Variants in CHN1 observed in about 807,000 individuals in gnomAD.
CHN1 encodes chimerin 1, also known as N-chimaerin.
Under a neutral mutation model 59.5 loss-of-function variants are expected in CHN1, and 37 were observed. The ratio of observed to expected loss-of-function variants is 0.62; its 90% CI spans 0.48 to 0.82. The LOEUF (loss-of-function observed/expected upper bound fraction) is 0.82. CHN1 is among the 40% of genes least tolerant of loss of function. The pLI, the probability that CHN1 is intolerant of heterozygous loss-of-function variation, is 0.00. For missense variants in CHN1, 469 were observed against 571.0 expected (o/e 0.82, Z 1.82); for synonymous variants, 206 against 200.4 (o/e 1.03, Z -0.24).
chr2:174,837,595 G>A (rs2646175), intron 7 of CHN1, among the ~76,000 whole-genome samples: 15,590 of 152,148 alleles, frequency 0.1, 2,672 homozygotes, highest in African/African-American at 0.35. Context: ...CTGATGATAT[G>A]GTGGTTCTTC....
At chr2:175,002,563 T>C (rs1411590001) in intron 1 of CHN1, among the ~76,000 whole-genome samples, 1 of 152,174 alleles carries the variant, frequency 6.6e-6, no homozygotes, top group Non-Finnish European at 1.5e-5. Flanking sequence ...AAAGAACATT[T>C]CTTAAATTTA....
chr2:175,004,047 T>C (rs917966869), intron 1 of CHN1, among the ~76,000 whole-genome samples: 2 of 152,206 alleles, frequency 1.3e-5, no homozygotes, highest in Admixed American at 6.5e-5. Flanking sequence ...TTACATATCA[T>C]TGTACTTTGC....
intron 5 of CHN1, among the ~76,000 whole-genome samples, chr2:174,901,314 G>A (rs1475476245): frequency 3.3e-5 from 5 of 152,214 alleles, no homozygotes; most frequent in East Asian, 3.9e-4. Flanking sequence ...CATGCTGGTC[G>A]GGCTTCTAGG....
At chr2:174,842,295 T>C (rs1162941334) in intron 7 of CHN1, among the ~76,000 whole-genome samples, 6 of 150,356 alleles carry the variant, frequency 4.0e-5, no homozygotes, top group Non-Finnish European at 1.5e-5. Flanking sequence ...ATAGACACTG[T>C]TTCTGAATAC....
chr2:174,901,562 T>C (rs2105356905), intron 5 of CHN1, among the ~76,000 whole-genome samples: 1 of 152,356 alleles, frequency 6.6e-6, no homozygotes, highest in Non-Finnish European at 1.5e-5. Context: ...CATTAAAGTC[T>C]AATCCTCTCT....
At chr2:174,973,063 G>A (rs1431794584) in intron 1 of CHN1, among the ~76,000 whole-genome samples, 1 of 151,988 alleles carries the variant, frequency 6.6e-6, no homozygotes, top group Non-Finnish European at 1.5e-5. Context: ...TTTTTGCCTT[G>A]AACTCTTCAG....
At chr2:174,948,929 A>G (rs212383) in intron 2 of CHN1, among the ~76,000 whole-genome samples, 3,028 of 152,310 alleles carry the variant, frequency 0.02, 92 homozygotes, top group African/African-American at 0.068. Context: ...TATTAGTAGA[A>G]AATATTGTCA....
chr2:174,994,636 G>A (rs6433514), intron 1 of CHN1, among the ~76,000 whole-genome samples: 23 of 151,980 alleles, frequency 1.5e-4, no homozygotes, highest in Admixed American at 7.9e-4. Context: ...AAGGGGTAAC[G>A]CACAAAGGAA....
At chr2:174,969,336 A>G (rs565346442) in intron 1 of CHN1, among the ~76,000 whole-genome samples, 1 of 152,362 alleles carries the variant, frequency 6.6e-6, no homozygotes, top group Non-Finnish European at 1.5e-5. Flanking sequence ...TTGGAAATGC[A>G]GAAGTGCAGA....
At chr2:174,963,803 C>A (rs568558357) in intron 1 of CHN1, among the ~76,000 whole-genome samples, 405 of 152,272 alleles carry the variant, frequency 2.7e-3, no homozygotes, top group Middle Eastern at 0.01. Context: ...CAGAAGACAA[C>A]AAGCACAACT....
intron 1 of CHN1, among the ~76,000 whole-genome samples, chr2:174,962,799 A>T (rs1167120256): frequency 6.6e-6 from 1 of 151,758 alleles, no homozygotes; most frequent in Non-Finnish European, 1.5e-5. Flanking sequence ...AATCCCTGCT[A>T]CTCAGGAGGC....
chr2:174,914,887 G>A (rs562625881), intron 5 of CHN1, among the ~76,000 whole-genome samples, 171 bp downstream of exon 5: 50 of 151,138 alleles, frequency 3.3e-4, no homozygotes, highest in Middle Eastern at 3.4e-3. Flanking sequence ...ATTACTGAGT[G>A]TTACCATTCA....
chr2:174,849,627 A>T (rs559616460), intron 6 of CHN1, among the ~76,000 whole-genome samples: 1 of 152,214 alleles, frequency 6.6e-6, no homozygotes, highest in Non-Finnish European at 1.5e-5. Flanking sequence ...AATATCTAGT[A>T]GATAGCCATC....
At chr2:175,001,886 A>G (rs1691901220) in intron 1 of CHN1, among the ~76,000 whole-genome samples, 1 of 152,230 alleles carries the variant, frequency 6.6e-6, no homozygotes, top group Non-Finnish European at 1.5e-5. Flanking sequence ...AAATTCCCAT[A>G]TTCAAGGATC....
chr2:174,862,325 T>A (rs1012863038), intron 6 of CHN1, among the ~76,000 whole-genome samples: 1 of 151,978 alleles, frequency 6.6e-6, no homozygotes, highest in Admixed American at 6.6e-5. Context: ...CATTACGTTA[T>A]ACCAACGATA....
At chr2:174,976,450 C>A (rs1304461725) in intron 1 of CHN1, among the ~76,000 whole-genome samples, 1 of 151,844 alleles carries the variant, frequency 6.6e-6, no homozygotes, top group Non-Finnish European at 1.5e-5. Flanking sequence ...TGTTGGCCAG[C>A]CTGATCTTGA....
intron 3 of CHN1, among the ~76,000 whole-genome samples, chr2:174,919,935 C>T (rs769784562): frequency 6.6e-6 from 1 of 152,272 alleles, no homozygotes; most frequent in East Asian, 1.9e-4. Context: ...AATTCCCACC[C>T]CAACCACGTT....
intron 5 of CHN1, among the ~76,000 whole-genome samples, chr2:174,900,872 A>G (rs990421276): frequency 1.3e-5 from 2 of 152,218 alleles, no homozygotes; most frequent in Non-Finnish European, 2.9e-5. Flanking sequence ...GAAAAATGGA[A>G]TAAATTTTAT....
chr2:174,968,742 G>C (rs368727454), intron 1 of CHN1, among the ~76,000 whole-genome samples: 32 of 152,306 alleles, frequency 2.1e-4, no homozygotes, highest in African/African-American at 7.7e-4. Context: ...CAGCAGTGTA[G>C]GGATATGAAA....
Sources: allele counts gnomAD v4.1 joint callset (sites outside exome capture counted in the v4.1 genomes callset), GRCh38; gene constraint gnomAD v4.1.1; transcripts MANE v1.5; gene names NCBI Gene and HGNC (gene_info 2026-07-23, HGNC 2026-07-21).